The following NRG3 variants were observed in gnomAD, a reference collection of about 807,000 sequenced individuals.
NRG3 encodes pro-neuregulin-3, membrane-bound isoform.
A neutral mutation model predicts 66.9 loss-of-function variants in NRG3; 31 were observed. The ratio of observed to expected loss-of-function variants is 0.46; its 90% CI spans 0.35 to 0.63. The LOEUF is 0.63. Among genes scored for constraint, NRG3 ranks in the 20% least tolerant of loss-of-function variants. The pLI, the probability that NRG3 is intolerant of heterozygous loss-of-function variation, is 0.00. For missense variants in NRG3, 910 were observed against 878.9 expected (o/e 1.04, Z -0.45); for synonymous variants, 393 against 359.4 (o/e 1.09, Z -1.06).
Position 81,914,983 on chromosome 10 carries a change from T to G in NRG3, c.823+38820T>G, listed in dbSNP as rs569227796. On this transcript the variant is annotated intron_variant, in intron 1 of 8. Coordinates refer to ENST00000372141, the MANE Select transcript of NRG3 (RefSeq NM_001010848.4). ...AATACTAGCTGCTATTTATTTAAGT[T>G]ATGATTCATTAATTAGTGTATCCTG... Among the ~76,000 whole-genome samples the G allele has an allele frequency of 3.9e-5, 6 of 152,312 alleles. No homozygotes were observed. The South Asian group carries it at 1.2e-3, about 32-fold the overall frequency.
At chr10:82,325,537 G>A (rs1472259420) in intron 1 of NRG3, among the ~76,000 whole-genome samples, 7 of 151,852 alleles carry the variant, frequency 4.6e-5, no homozygotes, top group Non-Finnish European at 2.9e-5. Context: ...CTTTTAGCCT[G>A]TTTATATATT....
At chr10:82,616,011 G>A (rs1411922086) in intron 2 of NRG3, among the ~76,000 whole-genome samples, 1 of 152,090 alleles carries the variant, frequency 6.6e-6, no homozygotes, top group Non-Finnish European at 1.5e-5. Flanking sequence ...CTTTTAAGCA[G>A]GCCACACATA....
intron 1 of NRG3, among the ~76,000 whole-genome samples, chr10:81,876,604 T>C (rs1381880301): frequency 6.6e-6 from 1 of 152,180 alleles, no homozygotes; most frequent in Non-Finnish European, 1.5e-5. Context: ...GCAAAGCACA[T>C]GCAAATTGAC....
At chr10:82,769,025 G>A (rs1224797253) in intron 3 of NRG3, among the ~76,000 whole-genome samples, 1 of 152,086 alleles carries the variant, frequency 6.6e-6, no homozygotes, top group Non-Finnish European at 1.5e-5. Context: ...AAAATTGTCA[G>A]TAGTTTTATC....
intron 1 of NRG3, among the ~76,000 whole-genome samples, chr10:82,317,751 G>A (rs2081367837): frequency 6.6e-6 from 1 of 152,208 alleles, no homozygotes; most frequent in African/African-American, 2.4e-5. Flanking sequence ...ATCATTTTAG[G>A]AAGAGGTTTA....
At chr10:82,375,808 T>G (rs1265308448) in intron 2 of NRG3, among the ~76,000 whole-genome samples, 1 of 152,114 alleles carries the variant, frequency 6.6e-6, no homozygotes, top group Non-Finnish European at 1.5e-5. Context: ...AATTCTAAAT[T>G]CAGGTGAAGA....
chr10:82,637,402 C>G (rs2050274137), intron 2 of NRG3, among the ~76,000 whole-genome samples: 1 of 152,098 alleles, frequency 6.6e-6, no homozygotes, highest in Non-Finnish European at 1.5e-5. Flanking sequence ...TTTACATGGT[C>G]TCACCTTGTC....
At chr10:82,452,285 C>A (rs949572513) in intron 2 of NRG3, among the ~76,000 whole-genome samples, 1 of 152,180 alleles carries the variant, frequency 6.6e-6, no homozygotes, top group Non-Finnish European at 1.5e-5. Context: ...CAGAACATGA[C>A]GGATTATGTA....
chr10:81,894,151 A>C (rs1345485736), intron 1 of NRG3, among the ~76,000 whole-genome samples: 2 of 152,036 alleles, frequency 1.3e-5, no homozygotes, highest in Non-Finnish European at 2.9e-5. Flanking sequence ...GACCAACCTG[A>C]TCAACATGGC....
chr10:81,923,655 T>C (rs1303836102), intron 1 of NRG3, among the ~76,000 whole-genome samples: 1 of 152,214 alleles, frequency 6.6e-6, no homozygotes, highest in African/African-American at 2.4e-5. Flanking sequence ...CCTGGGGTGC[T>C]GTCAGCTGTA....
intron 1 of NRG3, among the ~76,000 whole-genome samples, chr10:82,141,912 T>A (rs2069818171): frequency 1.3e-5 from 2 of 152,152 alleles, no homozygotes; most frequent in Non-Finnish European, 2.9e-5. Flanking sequence ...AGGTGCATAC[T>A]ACGTGAAGTT....
rs186972170 is a variant in NRG3 at position 82,143,755 on chromosome 10, C to T, written c.824-214984C>T. 1.2e-3 allele frequency among the ~76,000 whole-genome samples: 186 copies of T among 152,162 alleles called. 1 individual carries two copies. The highest frequency in any genetic ancestry group is 2.1e-3 in the Non-Finnish European group (141 of 68,016). ...GAGCATGTGTGGATATGTGGCTGGGCGCAGTGGCTTACGCCTGTTATCCCA... is the reference window on the plus strand; with the variant it reads ...GAGCATGTGTGGATATGTGGCTGGGTGCAGTGGCTTACGCCTGTTATCCCA... On this transcript the variant is annotated intron_variant, in intron 1 of 8. Transcript: ENST00000372141.
chr10:82,985,577 T>A lies in NRG3; in HGVS notation c.2063T>A (p.Ile688Lys), dbSNP rs907504132. The change falls in exon 9 of 9, where the codon ATA (isoleucine) becomes AAA (lysine). Residue 688 changes from isoleucine (I) to lysine (K), a missense_variant. Ile to Lys is a moderately radical substitution (Grantham distance 102, BLOSUM62 -3). Coordinates refer to ENST00000372141, the MANE Select transcript of NRG3 (RefSeq NM_001010848.4). ...REAQFVLRNE[I>K]QRDSALTK The stretch of plus-strand genomic sequence containing the variant: ...GCGCAATTTGTCTTAAGAAATGAAA[T>A]ACAAAGAGACTCTGCATTGACCAAG... The A allele has an allele frequency of 1.2e-6, 2 of 1,612,884 alleles. No homozygotes were observed. Among genetic ancestry groups the A allele is most frequent in the African/African-American group, 2.7e-5 (2 of 74,856 alleles).
At chr10:82,153,949 T>C (rs571974228) in intron 1 of NRG3, among the ~76,000 whole-genome samples, 2 of 152,202 alleles carry the variant, frequency 1.3e-5, no homozygotes, top group South Asian at 2.1e-4. Flanking sequence ...GAGTTCCTTA[T>C]ATATGATGGA....
intron 2 of NRG3, among the ~76,000 whole-genome samples, chr10:82,687,951 T>G (rs569164155): frequency 1.3e-5 from 2 of 152,160 alleles, no homozygotes; most frequent in South Asian, 4.2e-4. Context: ...CACACATGAG[T>G]TTCCTAAACT....
intron 1 of NRG3, among the ~76,000 whole-genome samples, chr10:81,903,998 T>TATATA (rs1161213864): frequency 7.3e-4 from 67 of 92,404 alleles, no homozygotes; most frequent in Non-Finnish European, 1.2e-3. Context: ...ATATATATAT[T>TATATA]TTTTTTTTTT....
At chr10:82,363,431 C>G (rs1445282961) in intron 2 of NRG3, among the ~76,000 whole-genome samples, 1 of 151,722 alleles carries the variant, frequency 6.6e-6, no homozygotes. Context: ...GTTTTAAAAG[C>G]CTTATACTGT....
chr10:81,967,544 G>A (rs142689071), intron 1 of NRG3, among the ~76,000 whole-genome samples: 9 of 151,882 alleles, frequency 5.9e-5, no homozygotes, highest in Non-Finnish European at 1.2e-4. Flanking sequence ...ATTATTAATT[G>A]CATTAAATAT....
intron 3 of NRG3, among the ~76,000 whole-genome samples, chr10:82,777,098 C>A (rs987613648): frequency 3.3e-5 from 5 of 152,004 alleles, no homozygotes; most frequent in African/African-American, 1.2e-4. Flanking sequence ...GCAGATGGGT[C>A]TTAGGGTGTC....
Sources: allele counts gnomAD v4.1 joint callset (sites outside exome capture counted in the v4.1 genomes callset), GRCh38; gene constraint gnomAD v4.1.1; transcripts MANE v1.5; gene names NCBI Gene and HGNC (gene_info 2026-07-23, HGNC 2026-07-21).